Variants in EPB41L4B observed in about 807,000 individuals in gnomAD.
The protein encoded by EPB41L4B is band 4.1-like protein 4B.
Under a neutral mutation model 112.5 loss-of-function variants are expected in EPB41L4B, and 30 were observed. The ratio of observed to expected loss-of-function variants is 0.27; its 90% CI spans 0.20 to 0.36. The LOEUF (loss-of-function observed/expected upper bound fraction) is 0.36, where lower values mean the gene tolerates loss of function less well. Ranked by LOEUF, EPB41L4B falls within the 10% of genes least tolerant of loss-of-function variation. The pLI is 1.00. For missense variants in EPB41L4B, 1,024 were observed against 1,133.3 expected, an observed-to-expected ratio of 0.90 and a Z score of 1.38; for synonymous variants, 408 against 439.7, an observed-to-expected ratio of 0.93 and a Z score of 0.90.
chr9:109,316,361 A>T (rs1837633583), intron 1 of EPB41L4B, among the ~76,000 whole-genome samples: 1 of 152,264 alleles, frequency 6.6e-6, no homozygotes, highest in Non-Finnish European at 1.5e-5. Flanking sequence ...ACACAGGGCA[A>T]CGGGAGGCGG....
Position 109,241,170 on chromosome 9 carries a change from A to G in EPB41L4B, c.1409+2448T>C, listed in dbSNP as rs1456903979. The G allele has an allele frequency of 1.0e-5, 10 of 985,622 alleles. No individual in the cohort carries two copies. In the East Asian group the frequency reaches 1.1e-3, roughly 112 times the overall value. 61.1% of individuals were successfully genotyped at this position (985,622 alleles called of 1,614,324 possible). ...AAATTGCAGAATTTTAGAGTTGGAA[A>G]GGACCTTGGAGATCACTTAGTCCAA... On this transcript the variant is annotated intron_variant, in intron 15 of 25. Coordinates refer to ENST00000374566, the MANE Select transcript of EPB41L4B (RefSeq NM_019114.5).
At chr9:109,311,233 T>A (rs190188821) in intron 1 of EPB41L4B, among the ~76,000 whole-genome samples, 1 of 151,700 alleles carries the variant, frequency 6.6e-6, no homozygotes, top group Non-Finnish European at 1.5e-5. Context: ...TTCAAAAAAA[T>A]TCATAATTCA....
chr9:109,254,119 C>A (rs2119019600), intron 11 of EPB41L4B, among the ~76,000 whole-genome samples: 1 of 152,334 alleles, frequency 6.6e-6, no homozygotes, highest in African/African-American at 2.4e-5. Context: ...CTCTGTGTGC[C>A]TCTAAGGGCA....
At chr9:109,282,288 G>C (rs919497288) in intron 1 of EPB41L4B, among the ~76,000 whole-genome samples, 1 of 152,192 alleles carries the variant, frequency 6.6e-6, no homozygotes, top group Non-Finnish European at 1.5e-5. Context: ...GTAGGGGGCA[G>C]GGGGATTTAA....
chr9:109,306,395 C>A (rs569995311), intron 1 of EPB41L4B, among the ~76,000 whole-genome samples: 27 of 152,204 alleles, frequency 1.8e-4, no homozygotes, highest in Non-Finnish European at 3.2e-4. Flanking sequence ...GGATGGATCA[C>A]CTGAGGTCAG....
At chr9:109,307,474 C>T (rs1010752230) in intron 1 of EPB41L4B, among the ~76,000 whole-genome samples, 1 of 152,190 alleles carries the variant, frequency 6.6e-6, no homozygotes, top group Non-Finnish European at 1.5e-5. Context: ...GTGTGCATGA[C>T]CTGGGCCAGT....
chr9:109,219,581 C>T (rs531544180), intron 15 of EPB41L4B, among the ~76,000 whole-genome samples: 5 of 151,722 alleles, frequency 3.3e-5, no homozygotes, highest in Non-Finnish European at 7.4e-5. Context: ...AGGACGGTCT[C>T]GATCTCCTGA....
intron 1 of EPB41L4B, among the ~76,000 whole-genome samples, chr9:109,289,835 G>A (rs1048107612): frequency 5.3e-5 from 8 of 152,192 alleles, no homozygotes; most frequent in African/African-American, 1.9e-4. Context: ...CCCAAGTGCA[G>A]GCTTTGCATT....
chr9:109,175,829 G>A (rs1831805367), intron 25 of EPB41L4B, among the ~76,000 whole-genome samples: 1 of 152,158 alleles, frequency 6.6e-6, no homozygotes, highest in South Asian at 2.1e-4. Context: ...TGGCCACGCT[G>A]GCCCCTTAAA....
chr9:109,254,136 TCTC>T (rs1834896454), intron 11 of EPB41L4B, among the ~76,000 whole-genome samples: 7 of 152,180 alleles, frequency 4.6e-5, no homozygotes. Context: ...GGCAACCTCT[TCTC>T]CTCCAAACTC....
rs544810362 is a variant in EPB41L4B, at chr9:109,181,141, A to T, written c.2487+1588T>A. On this transcript the variant is annotated intron_variant, in intron 24 of 25. Transcript: ENST00000374566. The stretch of plus-strand genomic sequence containing the variant: ...ATCCTCCCGCCTCAGCCTCCTGGGT[A>T]ACTGGGACTACAGGCAGCTAATTTA... Among the ~76,000 whole-genome samples, 3 of 152,058 alleles carry T rather than the reference A, an allele frequency of 2.0e-5. No homozygotes were observed. The South Asian group carries it at 6.2e-4, about 32-fold the overall frequency.
At chr9:109,222,875 T>C (rs1833635246) in intron 15 of EPB41L4B, among the ~76,000 whole-genome samples, 1 of 152,188 alleles carries the variant, frequency 6.6e-6, no homozygotes, top group Non-Finnish European at 1.5e-5. Flanking sequence ...ATGTGCCCTG[T>C]TAGTAAATGC....
At chr9:109,211,425 T>C (rs1381885459) in intron 17 of EPB41L4B, among the ~76,000 whole-genome samples, 3 of 151,804 alleles carry the variant, frequency 2.0e-5, no homozygotes, top group Admixed American at 6.6e-5. Flanking sequence ...TGAAATCCCA[T>C]GTCTACTAAA....
intron 2 of EPB41L4B, among the ~76,000 whole-genome samples, chr9:109,275,364 C>T (rs538629767): frequency 5.6e-4 from 85 of 152,280 alleles, no homozygotes; most frequent in African/African-American, 2.0e-3. Flanking sequence ...CATTCCCTTC[C>T]GGGTCCATCT....
In EPB41L4B at chr9:109,217,013, G is replaced by GTGCTGA. The variant is rs762700152; in HGVS notation, c.1536_1541dup (p.Gln515_His516dup). ...AGAGGCTGTAGTTTGAGTGGTGCTGGTGCTGATGCTGATGCTGGTGCTGGT... is the reference window on the plus strand; with the variant it reads ...AGAGGCTGTAGTTTGAGTGGTGCTGGTGCTGATGCTGATGCTGATGCTGGTGCTGGT... On this transcript the variant is annotated inframe_insertion, in exon 16 of 26. Coordinates refer to ENST00000374566, the MANE Select transcript of EPB41L4B (RefSeq NM_019114.5). The GTGCTGA allele has an allele frequency of 1.9e-6, 3 of 1,614,218 alleles. No individual in the cohort carries two copies. In the South Asian group the frequency reaches 3.3e-5, roughly 18 times the overall value.
intron 2 of EPB41L4B, among the ~76,000 whole-genome samples, chr9:109,274,452 C>T (rs1835738978): frequency 6.6e-6 from 1 of 152,156 alleles, no homozygotes; most frequent in African/African-American, 2.4e-5. Context: ...CCTCCAGACC[C>T]ACAGAGGGAC....
intron 18 of EPB41L4B, 131 bp downstream of exon 18, chr9:109,207,793 A>C: frequency 2.7e-6 from 3 of 1,116,776 alleles, no homozygotes; most frequent in Non-Finnish European, 3.9e-6. Flanking sequence ...TATGGTTCAC[A>C]TGCCCGGTTC....
At chr9:109,257,582 A>AT (rs1201890940) in intron 7 of EPB41L4B, among the ~76,000 whole-genome samples, 2 of 152,164 alleles carry the variant, frequency 1.3e-5, no homozygotes, top group Non-Finnish European at 2.9e-5. Flanking sequence ...AGTGCCTGGG[A>AT]TGCCCTGGGG....
Position 109,320,505 on chromosome 9 carries a change from C to A in EPB41L4B, c.-59G>T, listed in dbSNP as rs1168331525. On this transcript the variant is annotated 5_prime_UTR_variant, in exon 1 of 26. Transcript: ENST00000374566. ...GCGCTGCCGCTGCCGCTGCCGCTGCCGCTGCGCCGCCGCCCGGGAGCGTCC... is the reference window on the plus strand; with the variant it reads ...GCGCTGCCGCTGCCGCTGCCGCTGCAGCTGCGCCGCCGCCCGGGAGCGTCC... 1.2e-6 allele frequency: 1 copy of A among 864,918 alleles called. No homozygotes were observed. Among genetic ancestry groups the A allele is most frequent in the Non-Finnish European group, 1.4e-6 (1 of 721,092 alleles). The allele number at this position is 864,918 out of a possible 1,614,324, so 53.6% of individuals were successfully genotyped here.
Sources: gnomAD v4.1 joint callset for allele counts (sites outside exome capture counted in the v4.1 genomes callset) on GRCh38, gnomAD v4.1.1 for gene constraint, MANE v1.5 for transcripts, NCBI Gene and HGNC (gene_info 2026-07-23, HGNC 2026-07-21) for gene names.